URGCP: variants seen among roughly 807,000 people sequenced by gnomAD.
URGCP encodes upregulator of cell proliferation.
In URGCP, 13 loss-of-function variants were observed where a neutral mutation model predicts 24.6. The ratio of observed to expected loss-of-function variants is 0.53; its 90% CI spans 0.34 to 0.84. URGCP has a LOEUF of 0.84. Ranked by LOEUF, URGCP falls within the 40% of genes least tolerant of loss-of-function variation. The pLI, the probability that URGCP is intolerant of heterozygous loss-of-function variation, is 0.01. For missense variants in URGCP, 899 were observed against 1,194.3 expected, an observed-to-expected ratio of 0.75 and a Z score of 3.64; for synonymous variants, 444 against 487.2, an observed-to-expected ratio of 0.91 and a Z score of 1.17.
chr7:43,887,404 T>A lies in URGCP; in HGVS notation c.112+11A>T, dbSNP rs1488425877. 3.1e-6 allele frequency: 5 copies of A among 1,613,322 alleles called. No homozygotes were observed. In the African/African-American group the frequency reaches 5.3e-5, roughly 17 times the overall value. ...CCAGAGTGGGCCCACATCCAATTCATCCAACTTTACCTGCAATGGCCACAG... is the reference window on the plus strand; with the variant it reads ...CCAGAGTGGGCCCACATCCAATTCAACCAACTTTACCTGCAATGGCCACAG... On this transcript the variant is annotated intron_variant, in intron 3 of 5. Transcript: ENST00000453200.
At chr7:43,883,492 G>A (rs1585795569) in intron 3 of URGCP, among the ~76,000 whole-genome samples, 1 of 150,804 alleles carries the variant, frequency 6.6e-6, no homozygotes, top group African/African-American at 2.4e-5. Context: ...TCCTGAGTAG[G>A]TGGGACTACA....
chr7:43,881,035 AC>A, intron 5 of URGCP: 5 of 614,098 alleles, frequency 8.1e-6, no homozygotes, highest in Non-Finnish European at 2.9e-6. Context: ...TGAACTTGTT[AC>A]AAAAACAAAA....
intron 1 of URGCP, chr7:43,919,871 C>T: frequency 7.7e-7 from 1 of 1,296,270 alleles, no homozygotes; most frequent in Non-Finnish European, 1.1e-6. Flanking sequence ...TCTAGAGAAC[C>T]TGTCGCCAAT....
At chr7:43,899,410 T>C (rs1221769460) in intron 1 of URGCP, among the ~76,000 whole-genome samples, 1 of 151,434 alleles carries the variant, frequency 6.6e-6, no homozygotes, top group Non-Finnish European at 1.5e-5. Flanking sequence ...TGAGCTACCA[T>C]GCCTGGCCTT....
chr7:43,881,338 T>A (rs988279306), intron 5 of URGCP: 1 of 667,046 alleles, frequency 1.5e-6, no homozygotes, highest in Non-Finnish European at 2.7e-6. Flanking sequence ...TTAGAATCAA[T>A]CACTTCAGGA....
chr7:43,921,931 C>T (rs566432985), intron 1 of URGCP, among the ~76,000 whole-genome samples: 3 of 151,850 alleles, frequency 2.0e-5, no homozygotes, highest in East Asian at 1.9e-4. Context: ...CTCGCTCTGT[C>T]GCCCAGGTTG....
chr7:43,883,942 A>G (rs1346644023), intron 3 of URGCP, among the ~76,000 whole-genome samples: 2 of 152,218 alleles, frequency 1.3e-5, no homozygotes, highest in African/African-American at 2.4e-5. Flanking sequence ...AAGCCATCAG[A>G]ACAAATTTTC....
At chr7:43,884,467 A>G (rs1459319323) in intron 3 of URGCP, among the ~76,000 whole-genome samples, 8 of 152,194 alleles carry the variant, frequency 5.3e-5, no homozygotes, top group Non-Finnish European at 5.9e-5. Context: ...GCCAGGCCCT[A>G]CCACCATGGT....
upstream of URGCP, chr7:43,926,634 GA>G: frequency 1.4e-6 from 2 of 1,437,696 alleles, no homozygotes; most frequent in Admixed American, 2.6e-5. Flanking sequence ...GCCGTGAAGT[GA>G]AAGGTGACGG....
intron 1 of URGCP, among the ~76,000 whole-genome samples, chr7:43,896,159 T>G (rs372559099): frequency 6.6e-6 from 1 of 152,134 alleles, no homozygotes; most frequent in Non-Finnish European, 1.5e-5. Flanking sequence ...TTGTGGTTAT[T>G]AGAGACTGGA....
chr7:43,897,691 G>A (rs937592281), intron 1 of URGCP, among the ~76,000 whole-genome samples: 4 of 152,322 alleles, frequency 2.6e-5, no homozygotes, highest in African/African-American at 9.6e-5. Context: ...TGACAGGCCT[G>A]TCTATGTTAC....
In URGCP at chr7:43,878,223, G is replaced by A. The variant is rs749940557; in HGVS notation, c.1240C>T (p.His414Tyr). The A allele has an allele frequency of 6.2e-7, 1 of 1,614,232 alleles. No homozygotes were observed. Among genetic ancestry groups the A allele is most frequent in the South Asian group, 1.1e-5 (1 of 91,088 alleles). Residue 414 changes from histidine to tyrosine, a missense_variant, in exon 6 of 6, where the codon CAT becomes TAT. His to Tyr is a moderately conservative substitution (Grantham distance 83). Coordinates refer to ENST00000453200, the MANE Select transcript of URGCP (RefSeq NM_001077663.3). The surrounding 1 kb of genome is among the most constrained non-coding windows in gnomAD (Gnocchi z 5.6). ...LIPVLKIDHS[H>Y]VLVKVSSTDS... ...GTGCTGCTGACCTTTACCAGGACATGTGAGTGGTCTATTTTCAGCACAGGA... is the reference window on the plus strand; with the variant it reads ...GTGCTGCTGACCTTTACCAGGACATATGAGTGGTCTATTTTCAGCACAGGA...
At chr7:43,925,143 G>C (rs1435633288) in intron 1 of URGCP, among the ~76,000 whole-genome samples, 1 of 152,220 alleles carries the variant, frequency 6.6e-6, no homozygotes, top group South Asian at 2.1e-4. Flanking sequence ...TCTGGGTAAG[G>C]ATGCAGTGTG....
At chr7:43,901,791 C>A (rs1403359139) in intron 1 of URGCP, among the ~76,000 whole-genome samples, 1 of 152,210 alleles carries the variant, frequency 6.6e-6, no homozygotes, top group African/African-American at 2.4e-5. Flanking sequence ...GAGCCTTTCC[C>A]TTCCCATAAA....
In URGCP at chr7:43,877,420, C is replaced by G. The variant is rs1411708354; in HGVS notation, c.2043G>C (p.Glu681Asp). ...PVRWVTGLLK[E>D]LHVRLERRSR... ...ACCGTCTCTCCAGTCGGACGTGCAG[C>G]TCCTTCAGGAGCCCTGTGACCCAGC... Residue 681 changes from glutamate to aspartate, a missense_variant, in exon 6 of 6, where the codon GAG (glutamate) becomes GAC (aspartate). By Grantham distance (45) the Glu-to-Asp change is conservative. Coordinates refer to ENST00000453200, the MANE Select transcript of URGCP (RefSeq NM_001077663.3). The G allele has an allele frequency of 6.2e-7, 1 of 1,613,412 alleles. No individual in the cohort carries two copies. Among genetic ancestry groups the G allele is most frequent in the Non-Finnish European group, 8.5e-7 (1 of 1,180,028 alleles).
At chr7:43,883,431 G>A (rs2095857777) in intron 3 of URGCP, among the ~76,000 whole-genome samples, 1 of 143,898 alleles carries the variant, frequency 6.9e-6, no homozygotes, top group Non-Finnish European at 1.5e-5. Flanking sequence ...CGCGATCTCA[G>A]CTCAGTGCAA....
chr7:43,881,437 G>T (rs185934647), intron 5 of URGCP, among the ~76,000 whole-genome samples: 14 of 151,660 alleles, frequency 9.2e-5, no homozygotes, highest in Admixed American at 4.6e-4. Flanking sequence ...GTGGAGGGGG[G>T]GCCTGGTTAC....
intron 1 of URGCP, among the ~76,000 whole-genome samples, chr7:43,922,186 C>T (rs544684433): frequency 1.4e-3 from 211 of 152,164 alleles, no homozygotes; most frequent in African/African-American, 4.9e-3. Flanking sequence ...CTCAGCCTCC[C>T]GAATACCTGG....
rs766355980 is a variant in URGCP at position 43,906,578 on chromosome 7, G to A, written c.-3C>T. ...GGCACTCACCCGGGCGACGCCATGA[G>A]CGCAGCGAGGTCTCCGCTCCCGCCT... is the stretch of plus-strand genomic sequence containing the variant. On this transcript the variant is annotated 5_prime_UTR_variant, in exon 1 of 6. Transcript: ENST00000453200. The A allele has an allele frequency of 9.9e-5, 122 of 1,238,390 alleles. No individual in the cohort carries two copies. The South Asian group carries it at 2.7e-3, about 28-fold the overall frequency. The allele number at this position is 1,238,390 out of a possible 1,614,324, so 76.7% of individuals were successfully genotyped here.
Sources: allele counts gnomAD v4.1 joint callset (sites outside exome capture counted in the v4.1 genomes callset), GRCh38; gene constraint gnomAD v4.1.1; non-coding constraint Gnocchi (gnomAD v3.1); transcripts MANE v1.5; gene names NCBI Gene and HGNC (gene_info 2026-07-23, HGNC 2026-07-21).